RHBDD1: variants seen among roughly 807,000 people sequenced by gnomAD.
The protein encoded by RHBDD1 is rhomboid-related protein 4.
Under a neutral mutation model 36.3 loss-of-function variants are expected in RHBDD1, and 38 were observed. That is an observed-to-expected ratio of 1.05 (90% CI 0.81 to 1.37). The LOEUF (loss-of-function observed/expected upper bound fraction) is 1.37. RHBDD1 is among the 40% of genes most tolerant of loss of function. The pLI is 0.00. For synonymous variants in RHBDD1, 151 were observed against 136.5 expected, an observed-to-expected ratio of 1.11 and a Z score of -0.74; for missense variants, 393 against 377.6, an observed-to-expected ratio of 1.04 and a Z score of -0.34.
At chr2:226,970,218 C>T (rs1027507925) in intron 8 of RHBDD1, among the ~76,000 whole-genome samples, 25 of 151,922 alleles carry the variant, frequency 1.6e-4, no homozygotes, top group African/African-American at 6.0e-4. Flanking sequence ...CTTTTACCTA[C>T]TATTGTTGCT....
intron 8 of RHBDD1, among the ~76,000 whole-genome samples, chr2:226,947,799 A>C (rs1413576897): frequency 6.6e-6 from 1 of 152,176 alleles, no homozygotes; most frequent in Non-Finnish European, 1.5e-5. Context: ...TTATGCAGCC[A>C]AAAAACACAT....
At chr2:226,977,575 C>T (rs757256646) in intron 8 of RHBDD1, among the ~76,000 whole-genome samples, 5 of 152,148 alleles carry the variant, frequency 3.3e-5, no homozygotes, top group Admixed American at 1.3e-4. Context: ...CCGTGAAACA[C>T]CATCCTGGCC....
At chr2:226,963,442 G>C (rs1952374889) in intron 8 of RHBDD1, among the ~76,000 whole-genome samples, 1 of 152,080 alleles carries the variant, frequency 6.6e-6, no homozygotes, top group Non-Finnish European at 1.5e-5. Flanking sequence ...CTTTTTGTTA[G>C]TAGATACACT....
At chr2:226,870,146 A>G (rs1273782567) in intron 5 of RHBDD1, among the ~76,000 whole-genome samples, 4 of 152,146 alleles carry the variant, frequency 2.6e-5, no homozygotes, top group African/African-American at 9.7e-5. Flanking sequence ...CCGGGCTCAC[A>G]TACTGGCCGT....
chr2:226,914,425 G>T, intron 8 of RHBDD1, 74 bp downstream of exon 8: 21 of 1,493,566 alleles, frequency 1.4e-5, no homozygotes, highest in Non-Finnish European at 1.9e-5. Context: ...AGAGCTATTT[G>T]TAGCAAATTA....
intron 3 of RHBDD1, among the ~76,000 whole-genome samples, chr2:226,856,122 C>A (rs1017531615): frequency 1.3e-5 from 2 of 152,150 alleles, no homozygotes; most frequent in African/African-American, 4.8e-5. Context: ...AATATGCATT[C>A]TGGTAAATTG....
intron 8 of RHBDD1, among the ~76,000 whole-genome samples, chr2:226,954,384 T>A (rs966197887): frequency 3.9e-5 from 6 of 152,224 alleles, no homozygotes; most frequent in Admixed American, 2.6e-4. Flanking sequence ...CTTATGGATT[T>A]AAGAACCCAT....
chr2:226,881,312 A>G (rs1945712686), intron 5 of RHBDD1, among the ~76,000 whole-genome samples: 1 of 152,154 alleles, frequency 6.6e-6, no homozygotes, highest in Admixed American at 6.6e-5. Flanking sequence ...TCACTGCCCA[A>G]TCTCTCACCC....
upstream of RHBDD1, chr2:226,835,821 G>C (rs556425378): frequency 6.6e-6 from 1 of 152,320 alleles, no homozygotes; most frequent in Non-Finnish European, 1.5e-5. Context: ...GACAGGGCGA[G>C]GGTCCACACT....
chr2:226,866,495 T>C (rs770946266), intron 4 of RHBDD1, among the ~76,000 whole-genome samples: 3 of 152,196 alleles, frequency 2.0e-5, no homozygotes, highest in Non-Finnish European at 4.4e-5. Flanking sequence ...TAGCACAAGG[T>C]TACCCAGCTC....
intron 3 of RHBDD1, among the ~76,000 whole-genome samples, chr2:226,860,569 A>T (rs903869182): frequency 2.0e-5 from 3 of 152,110 alleles, no homozygotes; most frequent in Non-Finnish European, 4.4e-5. Flanking sequence ...TACAGATTTG[A>T]TCTTTACATG....
At chr2:226,922,955 ACTT>A (rs1949429015) in intron 8 of RHBDD1, among the ~76,000 whole-genome samples, 1 of 152,174 alleles carries the variant, frequency 6.6e-6, no homozygotes, top group Non-Finnish European at 1.5e-5. Flanking sequence ...TTTTGTTTCT[ACTT>A]ATATTTTATT....
intron 5 of RHBDD1, among the ~76,000 whole-genome samples, chr2:226,898,539 G>T (rs1375283312): frequency 1.3e-5 from 2 of 152,174 alleles, no homozygotes; most frequent in Non-Finnish European, 2.9e-5. Flanking sequence ...GAGGACAAAG[G>T]TGCAGGGAGC....
At chr2:226,830,277 C>T in the RHBDD1 span, among the ~76,000 whole-genome samples, 2 of 152,120 alleles carry the variant, frequency 1.3e-5, no homozygotes, top group African/African-American at 4.8e-5. Flanking sequence ...TTCTCCTTTC[C>T]ACCATGTAAG....
chr2:226,902,839 A>G (rs1481790565), intron 5 of RHBDD1, among the ~76,000 whole-genome samples: 2 of 152,242 alleles, frequency 1.3e-5, no homozygotes, highest in African/African-American at 4.8e-5. Flanking sequence ...CAATTAGATT[A>G]TAACTCAAAC....
At chr2:226,823,323 T>C in the RHBDD1 span, among the ~76,000 whole-genome samples, 1 of 152,218 alleles carries the variant, frequency 6.6e-6, no homozygotes. Context: ...CCTAGTCTAA[T>C]GCATTTTGTT....
At chr2:226,899,523 C>T (rs1947419223) in intron 5 of RHBDD1, among the ~76,000 whole-genome samples, 1 of 152,092 alleles carries the variant, frequency 6.6e-6, no homozygotes, top group African/African-American at 2.4e-5. Flanking sequence ...CACATGAGAC[C>T]TCATGTTGAA....
intron 8 of RHBDD1, among the ~76,000 whole-genome samples, chr2:226,930,416 T>C (rs1156741064): frequency 5.3e-5 from 8 of 152,020 alleles, no homozygotes; most frequent in Admixed American, 1.3e-4. Flanking sequence ...GGACACCCTA[T>C]TCAATAAATG....
At chr2:226,809,830 C>T in the RHBDD1 span, among the ~76,000 whole-genome samples, 1 of 152,080 alleles carries the variant, frequency 6.6e-6, no homozygotes, top group Non-Finnish European at 1.5e-5. Context: ...TTTTAAAAGA[C>T]TAATGTAAGG....
Sources: gnomAD v4.1 joint callset for allele counts (sites outside exome capture counted in the v4.1 genomes callset) on GRCh38, gnomAD v4.1.1 for gene constraint, MANE v1.5 for transcripts, NCBI Gene and HGNC (gene_info 2026-07-23, HGNC 2026-07-21) for gene names.